The following C1orf87 variants were observed in gnomAD, a reference collection of about 807,000 sequenced individuals.
The protein encoded by C1orf87 is chromosome 1 open reading frame 87.
A neutral mutation model predicts 60.5 loss-of-function variants in C1orf87; 58 were observed. The observed-to-expected ratio is 0.96, with a 90% CI of 0.78 to 1.19. The LOEUF (loss-of-function observed/expected upper bound fraction) is 1.19, where lower values mean the gene tolerates loss of function less well. Ranked by LOEUF, C1orf87 falls within the 50% of genes most tolerant of loss-of-function variation. The probability of loss-of-function intolerance (pLI) is 0.00; values close to 1 mark genes in which losing one functional copy is unlikely to be tolerated. For missense variants in C1orf87, 673 were observed against 638.6 expected, an observed-to-expected ratio of 1.05 and a Z score of -0.58; for synonymous variants, 236 against 227.4, an observed-to-expected ratio of 1.04 and a Z score of -0.34.
At chr1:59,994,537 C>T (rs1239479681) in intron 11 of C1orf87, among the ~76,000 whole-genome samples, 1 of 152,200 alleles carries the variant, frequency 6.6e-6, no homozygotes, top group African/African-American at 2.4e-5. Flanking sequence ...CATTCTCCCT[C>T]CTTGAACTCT....
chr1:60,040,935 C>A, intron 4 of C1orf87, 56 bp downstream of exon 4: 1 of 1,504,764 alleles, frequency 6.6e-7, no homozygotes, highest in South Asian at 1.4e-5. Context: ...GAAATTGAGT[C>A]AACAACACTC....
chr1:60,057,830 A>G (rs1645467829), intron 2 of C1orf87, among the ~76,000 whole-genome samples: 1 of 152,180 alleles, frequency 6.6e-6, no homozygotes. Flanking sequence ...GGGTGATCAG[A>G]AAAATAAGAC....
chr1:60,018,346 C>A (rs1327531153), intron 8 of C1orf87, among the ~76,000 whole-genome samples: 1 of 152,068 alleles, frequency 6.6e-6, no homozygotes, highest in Non-Finnish European at 1.5e-5. Flanking sequence ...TATCCTTGAA[C>A]ATTTAAAAGT....
Position 59,997,680 on chromosome 1 carries a change from T to C in C1orf87, c.1409A>G (p.Glu470Gly), listed in dbSNP as rs1474556779. 14 of 1,613,946 alleles carry C rather than the reference T, an allele frequency of 8.7e-6. No individual in the cohort carries two copies. The highest frequency in any genetic ancestry group is 1.2e-5 in the Non-Finnish European group (14 of 1,179,912). Residue 470 changes from glutamate (E) to glycine (G), a missense_variant, in exon 11 of 12, where the codon GAA (glutamate) becomes GGA (glycine). Coordinates refer to ENST00000371201, the MANE Select transcript of C1orf87 (RefSeq NM_152377.3). ...VNPAVKNKAE[E>G]CETWIDRFRK... is the part of the protein sequence containing the mutation. ...GAACCTGTCTATCCACGTCTCACAT[T>C]CCTCAGCCTTGTTCTTCACAGCTGG...
Position 59,997,739 on chromosome 1 carries a change from T to C in C1orf87, c.1350A>G (p.Leu450=), listed in dbSNP as rs1644973209. 2 of 1,613,912 alleles carry C rather than the reference T, an allele frequency of 1.2e-6. No individual in the cohort carries two copies. The highest frequency in any genetic ancestry group is 4.5e-5 in the East Asian group (2 of 44,874). Residue 450 remains leucine (L), a synonymous_variant, in exon 11 of 12, where the codon TTA becomes TTG. Transcript: ENST00000371201. ...TSACKDPLKP[L]KIRPVSQPFV... is the part of the protein sequence containing the mutation. ...AGGGCTGGGAGACTGGCCTGATCTT[T>C]AAAGGTTTCAGAGGATCTTTGCAGG...
chr1:60,046,657 T>G (rs1312444676), intron 3 of C1orf87, among the ~76,000 whole-genome samples: 1 of 151,948 alleles, frequency 6.6e-6, no homozygotes, highest in Non-Finnish European at 1.5e-5. Context: ...AGAGTGGCCT[T>G]GAACTCCTGA....
At chr1:60,050,901 A>G (rs191229151) in intron 3 of C1orf87, among the ~76,000 whole-genome samples, 1 of 152,244 alleles carries the variant, frequency 6.6e-6, no homozygotes, top group African/African-American at 2.4e-5. Flanking sequence ...GGCAACATCT[A>G]CTGTAGAAGT....
intron 8 of C1orf87, among the ~76,000 whole-genome samples, chr1:60,023,738 C>T (rs2100273693): frequency 6.6e-6 from 1 of 152,220 alleles, no homozygotes; most frequent in Admixed American, 6.5e-5. Flanking sequence ...GTTCCAGATT[C>T]CCTCCAGGCT....
chr1:60,005,804 C>A (rs1443476393), intron 9 of C1orf87, among the ~76,000 whole-genome samples: 1 of 132,132 alleles, frequency 7.6e-6, no homozygotes, highest in Admixed American at 7.6e-5. Context: ...TCTCAGCATT[C>A]TTTTTTTTTT....
chr1:60,032,619 T>G (rs1482177524), intron 7 of C1orf87, among the ~76,000 whole-genome samples: 2 of 151,812 alleles, frequency 1.3e-5, no homozygotes, highest in Non-Finnish European at 1.5e-5. Flanking sequence ...TTTTGTATTT[T>G]TAGTAGAGAT....
At chr1:60,011,397 C>T (rs1574299665) in intron 8 of C1orf87, among the ~76,000 whole-genome samples, 1 of 151,964 alleles carries the variant, frequency 6.6e-6, no homozygotes, top group East Asian at 1.9e-4. Context: ...TGACCCACCC[C>T]CTCTAGTTAA....
At chr1:60,065,481 A>G (rs574852947) in intron 2 of C1orf87, among the ~76,000 whole-genome samples, 1 of 152,158 alleles carries the variant, frequency 6.6e-6, no homozygotes, top group African/African-American at 2.4e-5. Context: ...GGACCCTTTA[A>G]GAGCTGATAG....
At chr1:60,022,340 G>T (rs765907511) in intron 8 of C1orf87, among the ~76,000 whole-genome samples, 13 of 151,882 alleles carry the variant, frequency 8.6e-5, no homozygotes, top group Non-Finnish European at 1.8e-4. Flanking sequence ...AATAGAGGGG[G>T]TGACAGGGAA....
chr1:60,059,317 G>A (rs966533854), intron 2 of C1orf87, among the ~76,000 whole-genome samples: 1 of 152,208 alleles, frequency 6.6e-6, no homozygotes, highest in South Asian at 2.1e-4. Flanking sequence ...TATCTTGGAA[G>A]CAAGACACAG....
Position 60,072,563 on chromosome 1 carries a change from A to G in C1orf87, c.81T>C (p.Phe27=). Residue 27 remains phenylalanine (F), a synonymous_variant, in exon 2 of 12, where the codon TTT becomes TTC. Transcript: ENST00000371201. The stretch of plus-strand genomic sequence containing the variant: ...TCTTTGGCTTCTCCACGAGGTATTG[A>G]AAGTGTTTACTTCCAATGATTTTCA... ...IMVKIIGSKH[F]QYLVEKPKIK... The G allele has an allele frequency of 6.2e-7, 1 of 1,611,842 alleles. No homozygotes were observed. The highest frequency in any genetic ancestry group is 1.7e-4 in the Middle Eastern group (1 of 6,058).
intron 6 of C1orf87, among the ~76,000 whole-genome samples, chr1:60,035,494 C>T (rs1004429851): frequency 2.6e-5 from 4 of 152,150 alleles, no homozygotes; most frequent in African/African-American, 9.7e-5. Context: ...ACAGAGCTAC[C>T]CTATTAGAGG....
At chr1:60,060,009 A>T (rs995944915) in intron 2 of C1orf87, among the ~76,000 whole-genome samples, 6 of 152,194 alleles carry the variant, frequency 3.9e-5, no homozygotes, top group Non-Finnish European at 7.3e-5. Context: ...ACCAAACTCC[A>T]CAGGGAAGCT....
intron 3 of C1orf87, among the ~76,000 whole-genome samples, chr1:60,054,596 T>G (rs1645439572): frequency 6.6e-6 from 1 of 152,238 alleles, no homozygotes; most frequent in Non-Finnish European, 1.5e-5. Context: ...GAAATGGTAC[T>G]TTGTTATCAA....
In C1orf87 at chr1:60,039,974, C is replaced by G; in HGVS notation, c.690G>C (p.Gln230His). The change falls in exon 5 of 12, where the codon CAG becomes CAC. Residue 230 changes from glutamine (Q) to histidine (H), a missense_variant. Transcript: ENST00000371201. ...RLFLKHEVPL[Q>H]LPTVKILCQR... Reference sequence around the variant, plus strand: ...GACAAAGGATTTTAACTGTTGGTAACTGTAGAGGGACTTCATGCTTCAAAA... The same window carrying G: ...GACAAAGGATTTTAACTGTTGGTAAGTGTAGAGGGACTTCATGCTTCAAAA... 6.2e-7 allele frequency: 1 copy of G among 1,614,076 alleles called. No individual in the cohort carries two copies. The highest frequency in any genetic ancestry group is 8.5e-7 in the Non-Finnish European group (1 of 1,179,994).
Sources: gnomAD v4.1 joint callset for allele counts (sites outside exome capture counted in the v4.1 genomes callset) on GRCh38, gnomAD v4.1.1 for gene constraint, MANE v1.5 for transcripts, NCBI Gene and HGNC (gene_info 2026-07-23, HGNC 2026-07-21) for gene names.